GALNT3: variants seen among roughly 807,000 people sequenced by gnomAD.
GALNT3 encodes the protein polypeptide N-acetylgalactosaminyltransferase 3, also known as GalNAc transferase 3.
GALNT3 carries 51 observed loss-of-function variants against 69.8 expected under a neutral mutation model. The ratio of observed to expected loss-of-function variants is 0.73; its 90% confidence interval spans 0.58 to 0.92. GALNT3 has a LOEUF of 0.92. Among genes scored for constraint, GALNT3 ranks in the 40% least tolerant of loss-of-function variants. The pLI is 0.00. For synonymous variants in GALNT3, 265 were observed against 248.5 expected, an observed-to-expected ratio of 1.07 and a Z score of -0.63; for missense variants, 711 against 760.0, an observed-to-expected ratio of 0.94 and a Z score of 0.76.
intron 1 of GALNT3, among the ~76,000 whole-genome samples, chr2:165,772,814 G>GAC (rs1006587876): frequency 9.2e-5 from 14 of 152,110 alleles, no homozygotes; most frequent in African/African-American, 3.4e-4. Context: ...GGGAGAGAAT[G>GAC]ACAACTGATG....
chr2:165,767,898 A>C (rs1386838287), intron 2 of GALNT3, among the ~76,000 whole-genome samples: 1 of 133,690 alleles, frequency 7.5e-6, no homozygotes, highest in Non-Finnish European at 1.5e-5. Context: ...TTTTTGAGAC[A>C]GAGTCTTGCT....
intron 1 of GALNT3, among the ~76,000 whole-genome samples, chr2:165,785,652 GA>G (rs1683204316): frequency 6.6e-6 from 1 of 152,132 alleles, no homozygotes; most frequent in African/African-American, 2.4e-5. Context: ...GCTAGTGGTG[GA>G]TATGTGTTTC....
chr2:165,780,102 A>G (rs562912522), intron 1 of GALNT3, among the ~76,000 whole-genome samples: 1 of 152,172 alleles, frequency 6.6e-6, no homozygotes, highest in Non-Finnish European at 1.5e-5. Context: ...AGTCAACTTT[A>G]CAAAGGGGAA....
chr2:165,788,923 A>G (rs1683287534), intron 1 of GALNT3, among the ~76,000 whole-genome samples: 1 of 152,202 alleles, frequency 6.6e-6, no homozygotes, highest in Admixed American at 6.5e-5. Context: ...TGCATTTCTA[A>G]AAAGATCATC....
chr2:165,784,937 A>G (rs1390082215), intron 1 of GALNT3, among the ~76,000 whole-genome samples: 1 of 152,182 alleles, frequency 6.6e-6, no homozygotes, highest in Non-Finnish European at 1.5e-5. Flanking sequence ...TGCTTTATTA[A>G]TTGTCCTCTA....
At chr2:165,751,882 CA>C (rs1333034902) in intron 9 of GALNT3, among the ~76,000 whole-genome samples, 1 of 151,994 alleles carries the variant, frequency 6.6e-6, no homozygotes, top group Non-Finnish European at 1.5e-5. Flanking sequence ...CTAAAATTTG[CA>C]AAACGGTTTA....
rs749981979 is a variant in GALNT3 at position 165,764,972 on chromosome 2, C to T, written c.600G>A (p.Thr200=). The T allele has an allele frequency of 5.1e-5, 82 of 1,614,036 alleles. 1 individual carries two copies. In the East Asian group the frequency reaches 1.6e-3, roughly 32 times the overall value. Residue 200 remains threonine, a synonymous_variant, in exon 3 of 11, where the codon ACG becomes ACA. Transcript: ENST00000392701. The stretch of plus-strand genomic sequence containing the variant: ...GCACACTGTGGACAGTTCTAAGCAA[C>T]GTGGACCACGCTTCATTATGAAAAA... ...IIVFHNEAWS[T]LLRTVHSVLY...
In GALNT3 at chr2:165,758,268, T is replaced by G. The variant is rs551547649; in HGVS notation, c.1191+479A>C. ...AAGTTACTGCAGAAAATGAAACTCA[T>G]GAAATCAAATACATAAGGTACATAC... On this transcript the variant is annotated intron_variant, in intron 6 of 10. Transcript: ENST00000392701. 3.3e-5 allele frequency among the ~76,000 whole-genome samples: 5 copies of G among 152,310 alleles called. No homozygotes were observed. The East Asian group carries it at 9.6e-4, about 29-fold the overall frequency.
intron 1 of GALNT3, among the ~76,000 whole-genome samples, chr2:165,782,264 T>C (rs1425562634): frequency 6.6e-6 from 1 of 152,102 alleles, no homozygotes; most frequent in African/African-American, 2.4e-5. Flanking sequence ...GTCCTCTCTC[T>C]ATGGGTTAGC....
At chr2:165,768,022 CAT>C (rs1234166249) in intron 2 of GALNT3, among the ~76,000 whole-genome samples, 1 of 152,014 alleles carries the variant, frequency 6.6e-6, no homozygotes, top group East Asian at 1.9e-4. Flanking sequence ...TACAGGCGCA[CAT>C]CACCATGCCC....
chr2:165,776,605 C>T (rs889473795), intron 1 of GALNT3, among the ~76,000 whole-genome samples: 1 of 151,744 alleles, frequency 6.6e-6, no homozygotes, highest in Non-Finnish European at 1.5e-5. Flanking sequence ...TTATGAATTC[C>T]TAAGAGTGAA....
At chr2:165,775,866 G>A (rs1354614147) in intron 1 of GALNT3, among the ~76,000 whole-genome samples, 1 of 152,138 alleles carries the variant, frequency 6.6e-6, no homozygotes, top group East Asian at 1.9e-4. Flanking sequence ...CTGTCCAAAG[G>A]CAACCACATT....
rs137893523 is a variant in GALNT3, at chr2:165,754,392, CT to C, written c.1626+234del. Among the ~76,000 whole-genome samples the C allele has an allele frequency of 0.03, 1,812 of 61,036 alleles. 22 individuals are homozygous for C. Among genetic ancestry groups the C allele is most frequent in the Middle Eastern group, 0.043 (3 of 70 alleles). The allele number at this position is 61,036 out of a possible 152,430, so 40.0% of individuals were successfully genotyped here. On this transcript the variant is annotated intron_variant, in intron 9 of 10. Coordinates refer to ENST00000392701, the MANE Select transcript of GALNT3 (RefSeq NM_004482.4). ...GGCGTGAGCCACTCAGCTCGGCCTC[CT>C]TTTTTTTTTTTTTTTTTTTTTTTTA...
At chr2:165,790,631 C>A (rs142583484) in intron 1 of GALNT3, among the ~76,000 whole-genome samples, 108 of 151,570 alleles carry the variant, frequency 7.1e-4, no homozygotes, top group Non-Finnish European at 1.3e-3. Flanking sequence ...TAATATTTTC[C>A]TTAGGAGAAA....
intron 9 of GALNT3, among the ~76,000 whole-genome samples, 181 bp downstream of exon 9, chr2:165,754,446 G>C (rs1442839275): frequency 5.1e-5 from 6 of 116,660 alleles, no homozygotes; most frequent in Non-Finnish European, 1.1e-4. Context: ...ATTGTTTTCA[G>C]AGCCAGAGTA....
chr2:165,754,012 T>A (rs1688398780), intron 9 of GALNT3, among the ~76,000 whole-genome samples: 1 of 152,060 alleles, frequency 6.6e-6, no homozygotes, highest in African/African-American at 2.4e-5. Context: ...ATCAAAGAGC[T>A]ACATAGAAGT....
rs1688724288 is a variant in GALNT3, at chr2:165,770,203, TG to T, written c.497del (p.Pro166GlnfsTer25). On this transcript the variant is annotated frameshift_variant, in exon 2 of 11. Transcript: ENST00000392701. LOFTEE classifies it high-confidence loss of function. ...CAACATACTCAGGAGGTCGAGTGTC[TG>T]GTCCAAGATCTCGGTGCAAAGAAAT... ...DRISLHRDLG[P>X]DTRPPECIEQ... 6.2e-7 allele frequency: 1 copy of T among 1,614,058 alleles called. No homozygotes were observed. Among genetic ancestry groups the T allele is most frequent in the African/African-American group, 1.3e-5 (1 of 74,922 alleles).
At chr2:165,764,834 T>C (rs202086465) in intron 3 of GALNT3, 50 bp downstream of exon 3, 1 of 1,583,598 alleles carries the variant, frequency 6.3e-7, no homozygotes. Flanking sequence ...AGACTGTAGA[T>C]ACCACAATAT....
Position 165,748,657 on chromosome 2 carries a change from A to T in GALNT3, c.*124T>A. 1.1e-6 allele frequency: 1 copy of T among 895,448 alleles called. No individual in the cohort carries two copies. The allele number at this position is 895,448 out of a possible 1,614,324, so 55.5% of individuals were successfully genotyped here. ...GTGCTACATAAAGATATAAATAAGA[A>T]AAATGCACTTGGAATAAGTTACATT... is the stretch of plus-strand genomic sequence containing the variant. On this transcript the variant is annotated 3_prime_UTR_variant, in exon 11 of 11. Transcript: ENST00000392701.
Sources: gnomAD v4.1 joint callset for allele counts (sites outside exome capture counted in the v4.1 genomes callset) on GRCh38, gnomAD v4.1.1 for gene constraint, MANE v1.5 for transcripts, NCBI Gene and HGNC (gene_info 2026-07-23, HGNC 2026-07-21) for gene names.